Variants in ZDHHC18 observed in about 807,000 individuals in gnomAD.
The protein encoded by ZDHHC18 is palmitoyltransferase ZDHHC18.
ZDHHC18 carries 23 observed loss-of-function variants against 37.5 expected under a neutral mutation model. The ratio of observed to expected loss-of-function variants is 0.61; its 90% CI spans 0.44 to 0.87. The LOEUF (loss-of-function observed/expected upper bound fraction) is 0.87. Ranked by LOEUF, ZDHHC18 falls within the 40% of genes least tolerant of loss-of-function variation. ZDHHC18 has a pLI of 0.00. For synonymous variants in ZDHHC18, 185 were observed against 218.7 expected (o/e 0.85, Z 1.36); for missense variants, 406 against 525.6 (o/e 0.77, Z 2.22).
At chr1:26,827,171 G>A (rs1283205450) in intron 1 of ZDHHC18, 32 bp downstream of exon 1, 3 of 1,243,244 alleles carry the variant, frequency 2.4e-6, no homozygotes, top group South Asian at 2.1e-5. Context: ...CCCCCTCCCA[G>A]CCCCCTGCCG....
At chr1:26,841,583 GT>G (rs1478970151) in intron 2 of ZDHHC18, among the ~76,000 whole-genome samples, 1 of 152,228 alleles carries the variant, frequency 6.6e-6, no homozygotes, top group Non-Finnish European at 1.5e-5. Flanking sequence ...GAAGCAGTGA[GT>G]GGGGAGCCAA....
chr1:26,836,428 A>C, intron 2 of ZDHHC18, among the ~76,000 whole-genome samples: 1 of 149,340 alleles, frequency 6.7e-6, no homozygotes, highest in East Asian at 2.0e-4. Context: ...TGTTCTCCCC[A>C]CCCCTGCCCT....
chr1:26,837,259 A>ATAT (rs1553157548), intron 2 of ZDHHC18, among the ~76,000 whole-genome samples: 14 of 143,744 alleles, frequency 9.7e-5, no homozygotes, highest in South Asian at 4.3e-4. Flanking sequence ...TCTCAAAAAA[A>ATAT]ATATATATAT....
intron 2 of ZDHHC18, among the ~76,000 whole-genome samples, chr1:26,837,460 ATTAT>A (rs756559483): frequency 0.061 from 8,854 of 144,922 alleles, 343 homozygotes; most frequent in Non-Finnish European, 0.087. Context: ...TATTATGTAT[ATTAT>A]TTATTTATTT....
Position 26,826,735 on chromosome 1 carries a change from C to T in ZDHHC18, c.-70C>T, listed in dbSNP as rs961269669. 6.8e-4 allele frequency: 551 copies of T among 805,822 alleles called. No homozygotes were observed. The highest frequency in any genetic ancestry group is 7.7e-4 in the Non-Finnish European group (517 of 668,278). 49.9% of individuals were successfully genotyped at this position (805,822 alleles called of 1,614,324 possible). ...GCGCGCGCCGCCGCTGCCACCTCCG[C>T]TGCTCGGCCCGGTCCCGGAGTGGCC... On this transcript the variant is annotated 5_prime_UTR_variant, in exon 1 of 8. Transcript: ENST00000374142. The surrounding 1 kb of genome is among the most constrained non-coding windows in gnomAD (Gnocchi z 5.2).
chr1:26,833,233 CAG>C (rs1200382204), intron 2 of ZDHHC18, among the ~76,000 whole-genome samples: 1 of 152,112 alleles, frequency 6.6e-6, no homozygotes, highest in Non-Finnish European at 1.5e-5. Context: ...GGATATCAGA[CAG>C]AGAAGAAAGG....
chr1:26,851,056 A>G lies in ZDHHC18; in HGVS notation c.834-73A>G, dbSNP rs868805374. 6 of 1,381,714 alleles carry G rather than the reference A, an allele frequency of 4.3e-6. No individual in the cohort carries two copies. In the Middle Eastern group the frequency reaches 8.9e-4, roughly 205 times the overall value. 85.6% of individuals were successfully genotyped at this position (1,381,714 alleles called of 1,614,324 possible). A position where few individuals can be genotyped will look rare whatever the true frequency, so the allele number is the denominator to read the frequency against. ...TCTGGGGAAACAGCTCCATGGAAGG[A>G]TAGGTGAGACAGGCCAGGTGTGGCT... On this transcript the variant is annotated intron_variant, in intron 5 of 7. Coordinates refer to ENST00000374142, the MANE Select transcript of ZDHHC18 (RefSeq NM_032283.3).
At chr1:26,853,035 A>G in intron 7 of ZDHHC18, 170 bp downstream of exon 7, 1 of 588,906 alleles carries the variant, frequency 1.7e-6, no homozygotes, top group Non-Finnish European at 2.9e-6. Flanking sequence ...TTATTTAATC[A>G]CGTGCTCATT....
Position 26,826,750 on chromosome 1 carries a change from C to A in ZDHHC18, c.-55C>A. 1 of 898,366 alleles carries A rather than the reference C, an allele frequency of 1.1e-6. No homozygotes were observed. The highest frequency in any genetic ancestry group is 1.3e-6 in the Non-Finnish European group (1 of 752,742). The allele number at this position is 898,366 out of a possible 1,614,324, so 55.6% of individuals were successfully genotyped here. A position where few individuals can be genotyped will look rare whatever the true frequency, so the allele number is the denominator to read the frequency against. On this transcript the variant is annotated 5_prime_UTR_variant, in exon 1 of 8. Coordinates refer to ENST00000374142, the MANE Select transcript of ZDHHC18 (RefSeq NM_032283.3). The surrounding 1 kb of genome is among the most constrained non-coding windows in gnomAD (Gnocchi z 5.2). Reference sequence around the variant, plus strand: ...GCCACCTCCGCTGCTCGGCCCGGTCCCGGAGTGGCCCGGCCGGCCCGCGGG... The same window carrying A: ...GCCACCTCCGCTGCTCGGCCCGGTCACGGAGTGGCCCGGCCGGCCCGCGGG...
chr1:26,847,153 C>G (rs1204359685), intron 2 of ZDHHC18, among the ~76,000 whole-genome samples: 3 of 152,132 alleles, frequency 2.0e-5, no homozygotes, highest in Non-Finnish European at 4.4e-5. Flanking sequence ...CCTCGGCCCC[C>G]CAAAGTGCTG....
intron 1 of ZDHHC18, among the ~76,000 whole-genome samples, chr1:26,828,724 A>G (rs908597023): frequency 1.8e-4 from 27 of 151,690 alleles, no homozygotes; most frequent in Non-Finnish European, 2.5e-4. Context: ...TAGGGTGGAT[A>G]AAAAGTTCAG....
chr1:26,843,586 C>T (rs569934802), intron 2 of ZDHHC18, among the ~76,000 whole-genome samples: 44 of 147,584 alleles, frequency 3.0e-4, no homozygotes, highest in African/African-American at 1.1e-3. Flanking sequence ...ATCAGGAGTT[C>T]GAGACCAGCC....
intron 2 of ZDHHC18, among the ~76,000 whole-genome samples, chr1:26,838,222 C>G (rs989538713): frequency 2.6e-5 from 4 of 151,114 alleles, no homozygotes; most frequent in Non-Finnish European, 5.9e-5. Context: ...CTCAAACTCC[C>G]GACCTCCGGT....
chr1:26,851,066 C>G, intron 5 of ZDHHC18, 63 bp from the exon 6 acceptor site: 1 of 1,466,510 alleles, frequency 6.8e-7, no homozygotes, highest in Non-Finnish European at 9.6e-7. Flanking sequence ...ATAGGTGAGA[C>G]AGGCCAGGTG....
rs888715421 is a variant in ZDHHC18, at chr1:26,857,455, C to G, written c.*3612C>G. ...CTAGGCACTGAGGGACCAAGCTAGC[C>G]GTGCACAGCCCCATACACTTCAGGG... On this transcript the variant is annotated 3_prime_UTR_variant, in exon 8 of 8. Transcript: ENST00000374142. 2 of 152,184 alleles carry G rather than the reference C, an allele frequency of 1.3e-5. No individual in the cohort carries two copies. The highest frequency in any genetic ancestry group is 2.1e-4 in the South Asian group (1 of 4,824). 9.4% of individuals were successfully genotyped at this position (152,184 alleles called of 1,614,324 possible). A position where few individuals can be genotyped will look rare whatever the true frequency, so the allele number is the denominator to read the frequency against.
intron 2 of ZDHHC18, among the ~76,000 whole-genome samples, chr1:26,843,511 G>A (rs182778798): frequency 2.7e-5 from 4 of 150,626 alleles, no homozygotes; most frequent in East Asian, 2.0e-4. Context: ...AGTTGTGGCC[G>A]TGTACGGTGG....
chr1:26,845,871 C>T (rs2081661356), intron 2 of ZDHHC18, among the ~76,000 whole-genome samples: 1 of 151,994 alleles, frequency 6.6e-6, no homozygotes, highest in South Asian at 2.1e-4. Context: ...AGGCAATCCT[C>T]CTGCCTCAGC....
In ZDHHC18 at chr1:26,850,742, C is replaced by A. The variant is rs956869228; in HGVS notation, c.833+136C>A. 2.8e-6 allele frequency: 3 copies of A among 1,066,544 alleles called. No individual in the cohort carries two copies. The highest frequency in any genetic ancestry group is 2.1e-5 in the Admixed American group (1 of 47,138). 66.1% of individuals were successfully genotyped at this position (1,066,544 alleles called of 1,614,324 possible). On this transcript the variant is annotated intron_variant, in intron 5 of 7. Transcript: ENST00000374142. This position sits in a 1 kb window ranked among gnomAD's most constrained non-coding sequence, Gnocchi z 6.1. Reference sequence around the variant, plus strand: ...TCCTCCAGAATCCAACATGCCAGCTCTTCTGTTCACACCCAGGCAAGAGCT... The same window carrying A: ...TCCTCCAGAATCCAACATGCCAGCTATTCTGTTCACACCCAGGCAAGAGCT...
intron 1 of ZDHHC18, among the ~76,000 whole-genome samples, chr1:26,827,899 C>G (rs1030838015): frequency 4.6e-5 from 7 of 152,176 alleles, no homozygotes; most frequent in East Asian, 1.9e-4. Context: ...CCCTGGCCCC[C>G]CTGCTGACCA....
Sources: gnomAD v4.1 joint callset for allele counts (sites outside exome capture counted in the v4.1 genomes callset) on GRCh38, gnomAD v4.1.1 for gene constraint, Gnocchi (gnomAD v3.1) non-coding constraint, MANE v1.5 for transcripts, NCBI Gene and HGNC (gene_info 2026-07-23, HGNC 2026-07-21) for gene names.